STAB1: variants seen among roughly 807,000 people sequenced by gnomAD.
STAB1 encodes the protein stabilin-1.
Under a neutral mutation model 332.4 loss-of-function variants are expected in STAB1, and 250 were observed. The observed-to-expected ratio is 0.75, with a 90% CI of 0.68 to 0.84. STAB1 has a LOEUF of 0.84. Among genes scored for constraint, STAB1 ranks in the 40% least tolerant of loss-of-function variants. STAB1 has a pLI of 0.00. For missense variants in STAB1, 3,249 were observed against 3,489.7 expected (o/e 0.93, Z 1.74); for synonymous variants, 1,475 against 1,390.4 (o/e 1.06, Z -1.35).
chr3:52,501,124 G>T (rs773240283), intron 1 of STAB1, 42 bp from the exon 2 acceptor site: 1 of 1,599,200 alleles, frequency 6.3e-7, no homozygotes, highest in Non-Finnish European at 8.6e-7. Flanking sequence ...AGGACTGGGC[G>T]TGGGGTCCAG....
chr3:52,509,934 C>G lies in STAB1; in HGVS notation c.2412C>G (p.Gly804=). 2 of 1,613,002 alleles carry G rather than the reference C, an allele frequency of 1.2e-6. No individual in the cohort carries two copies. The highest frequency in any genetic ancestry group is 1.7e-6 in the Non-Finnish European group (2 of 1,180,006). ...RPGSGGVCQQ[G]TCAPGFSGRF... The stretch of plus-strand genomic sequence containing the variant: ...GCAGTGGGGGGGTGTGCCAGCAGGG[C>G]ACGTGTGCCCCTGGCTTCAGTGGCC... The change falls in exon 23 of 69, where the codon GGC becomes GGG. Residue 804 remains glycine (G), a synonymous_variant. Transcript: ENST00000321725.
chr3:52,500,620 G>A (rs895540543), intron 1 of STAB1, among the ~76,000 whole-genome samples: 3 of 152,254 alleles, frequency 2.0e-5, no homozygotes, highest in Non-Finnish European at 4.4e-5. Flanking sequence ...CCGGCATCGT[G>A]CCTGTGCCCA....
At position 52,507,620 on chromosome 3, in the gene STAB1, G is replaced by A; in HGVS notation, c.1997G>A (p.Cys666Tyr). 6.2e-7 allele frequency: 1 copy of A among 1,613,600 alleles called. No homozygotes were observed. Among genetic ancestry groups the A allele is most frequent in the Non-Finnish European group, 8.5e-7 (1 of 1,179,972 alleles). ...TGCCCCTGCCCTGCCCAGGGCTCCT[G>A]TGTGGACTGCCAAGCCCTGAACACC... ...EEQHKIVAGS[C>Y]VDCQALNTST... Residue 666 changes from cysteine to tyrosine, a missense_variant, in exon 19 of 69, where the codon TGT becomes TAT. Physicochemically the swap from Cys to Tyr is radical, Grantham distance 194. Transcript: ENST00000321725.
At position 52,522,850 on chromosome 3, in the gene STAB1, G is replaced by A. The variant is rs747632005; in HGVS notation, c.6820G>A (p.Asp2274Asn). The A allele has an allele frequency of 6.2e-7, 1 of 1,613,322 alleles. No individual in the cohort carries two copies. Among genetic ancestry groups the A allele is most frequent in the South Asian group, 1.1e-5 (1 of 91,080 alleles). ...CCACCCTGTGGTTTTCCCTGTGGCG[G>A]ACTGTGGCAATGGTCGGGTGGGCAT... The part of the protein sequence containing the change: ...TAHPVVFPVA[D>N]CGNGRVGIVS... Residue 2274 changes from aspartate to asparagine, a missense_variant, in exon 62 of 69, where the codon GAC becomes AAC. Transcript: ENST00000321725.
At position 52,520,257 on chromosome 3, in the gene STAB1, C is replaced by T. The variant is rs766345080; in HGVS notation, c.5466C>T (p.Thr1822=). ...GCCCACTTCGAACCATGCATGGGACCCCCATCTCTTTCTCCTGCAGCCGAA... is the reference window on the plus strand; with the variant it reads ...GCCCACTTCGAACCATGCATGGGACTCCCATCTCTTTCTCCTGCAGCCGAA... ...NLGPLRTMHG[T]PISFSCSRTR... is the part of the protein sequence containing the mutation. Residue 1822 remains threonine (T), a synonymous_variant, in exon 52 of 69, where the codon ACC becomes ACT. Transcript: ENST00000321725. 6.2e-7 allele frequency: 1 copy of T among 1,613,160 alleles called. No homozygotes were observed. The highest frequency in any genetic ancestry group is 1.1e-5 in the South Asian group (1 of 91,086).
Position 52,503,404 on chromosome 3 carries a change from AG to A in STAB1, c.759del (p.Gln254ArgfsTer81), listed in dbSNP as rs777739407. ...SLLAQCSVSP[K>X]GQAQCHCPEN... ...CTGGCCCAGTGCTCGGTGAGCCCCA[AG>A]GGGCAGGCTCAGTGTCACTGCCCTG... On this transcript the variant is annotated frameshift_variant, in exon 8 of 69. Coordinates refer to ENST00000321725, the MANE Select transcript of STAB1 (RefSeq NM_015136.3). LOFTEE classifies it high-confidence loss of function. 4 of 1,613,622 alleles carry A rather than the reference AG, an allele frequency of 2.5e-6. No homozygotes were observed. Among genetic ancestry groups the A allele is most frequent in the Non-Finnish European group, 3.4e-6 (4 of 1,180,018 alleles).
At chr3:52,510,536 C>T in intron 25 of STAB1, 29 bp downstream of exon 25, 1 of 1,601,752 alleles carries the variant, frequency 6.2e-7, no homozygotes, top group Middle Eastern at 1.7e-4. Flanking sequence ...GGGGTGGGGG[C>T]CTTGGTTCTG....
At position 52,521,904 on chromosome 3, in the gene STAB1, G is replaced by A. The variant is rs1175312218; in HGVS notation, c.6224G>A (p.Ser2075Asn). The A allele has an allele frequency of 6.2e-7, 1 of 1,609,350 alleles. No homozygotes were observed. The highest frequency in any genetic ancestry group is 8.5e-7 in the Non-Finnish European group (1 of 1,177,128). Residue 2075 changes from serine to asparagine, a missense_variant, in exon 58 of 69, where the codon AGC becomes AAC. Transcript: ENST00000321725. Reference sequence around the variant, plus strand: ...GAGGCTGTGTGCCGTGCAGGCAACAGCTGTGAGTGCAGCCTGGGCTATGAA... The same window carrying A: ...GAGGCTGTGTGCCGTGCAGGCAACAACTGTGAGTGCAGCCTGGGCTATGAA... ...APEAVCRAGN[S>N]CECSLGYEGD...
rs1054645888 is a variant in STAB1, at chr3:52,523,918, G to A, written c.7443G>A (p.Gly2481=). Residue 2481 remains glycine (G), a synonymous_variant, in exon 67 of 69, where the codon GGG becomes GGA. Coordinates refer to ENST00000321725, the MANE Select transcript of STAB1 (RefSeq NM_015136.3). ...CCCCACCTGTGGCGGCAGGCGTGGG[G>A]GCTGTGCTTGCCGCTGGAGCACTGC... ...PEAPPVAAGV[G]AVLAAGALLG... 1 of 1,609,310 alleles carries A rather than the reference G, an allele frequency of 6.2e-7. No homozygotes were observed. Among genetic ancestry groups the A allele is most frequent in the East Asian group, 2.2e-5 (1 of 44,880 alleles).
rs144412742 is a variant in STAB1 at position 52,508,851 on chromosome 3, A to AG, written c.2236-359_2236-358insG. Among the ~76,000 whole-genome samples, 783 of 81,828 alleles carry AG rather than the reference A, an allele frequency of 9.6e-3. 9 individuals are homozygous for AG. Among genetic ancestry groups the AG allele is most frequent in the African/African-American group, 0.028 (652 of 23,554 alleles). 53.7% of individuals were successfully genotyped at this position (81,828 alleles called of 152,430 possible). Reference sequence around the variant, plus strand: ...TAACAATAATAATAATAATAATAATAATAGATAGATAGATAGATTTTTTGG... The same window carrying AG: ...TAACAATAATAATAATAATAATAATAGATAGATAGATAGATAGATTTTTTGG... On this transcript the variant is annotated intron_variant, in intron 21 of 68. Transcript: ENST00000321725.
chr3:52,523,309 G>A lies in STAB1; in HGVS notation c.7108G>A (p.Val2370Ile), dbSNP rs765837092. The stretch of plus-strand genomic sequence containing the variant: ...TGAGCTCACGTATAAGACACTCTTC[G>A]TCCCTGTCAATGAAGGCTTTGTGGA... ...DDELTYKTLF[V>I]PVNEGFVDNM... Residue 2370 changes from valine (V) to isoleucine (I), a missense_variant, in exon 64 of 69, where the codon GTC becomes ATC. Physicochemically the swap from Val to Ile is conservative, Grantham distance 29. Coordinates refer to ENST00000321725, the MANE Select transcript of STAB1 (RefSeq NM_015136.3). The A allele has an allele frequency of 1.3e-5, 21 of 1,611,822 alleles. No individual in the cohort carries two copies. Among genetic ancestry groups the A allele is most frequent in the Middle Eastern group, 1.6e-4 (1 of 6,062 alleles).
At chr3:52,500,961 G>A (rs1028137521) in intron 1 of STAB1, among the ~76,000 whole-genome samples, 19 of 152,232 alleles carry the variant, frequency 1.2e-4, no homozygotes, top group Admixed American at 1.2e-3. Flanking sequence ...TTCCCCATCT[G>A]CACTGCATTC....
intron 1 of STAB1, among the ~76,000 whole-genome samples, chr3:52,497,571 C>T (rs1176535072): frequency 2.0e-5 from 3 of 152,028 alleles, no homozygotes; most frequent in African/African-American, 7.3e-5. Flanking sequence ...CACCACCACA[C>T]TTGGCTAATT....
intron 1 of STAB1, among the ~76,000 whole-genome samples, chr3:52,496,271 G>A (rs1443835442): frequency 1.3e-5 from 2 of 152,230 alleles, no homozygotes; most frequent in Admixed American, 1.3e-4. Context: ...CAGGCCCCAT[G>A]GTAGGGGCCT....
At position 52,503,543 on chromosome 3, in the gene STAB1, G is replaced by A. The variant is rs1031166909; in HGVS notation, c.891+3G>A. 6.2e-7 allele frequency: 1 copy of A among 1,612,862 alleles called. No individual in the cohort carries two copies. Among genetic ancestry groups the A allele is most frequent in the Non-Finnish European group, 8.5e-7 (1 of 1,179,638 alleles). On this transcript the variant is annotated splice_donor_region_variant and intron_variant, in intron 8 of 68. Coordinates refer to ENST00000321725, the MANE Select transcript of STAB1 (RefSeq NM_015136.3). ...GTGTGTACCAGAAGCCGGGCCAGGT[G>A]AGCCAGGGTCCCAGGCCGGAACTGT...
At chr3:52,506,560 T>G (rs1439891892) in intron 17 of STAB1, 132 bp from the exon 18 acceptor site, 9 of 1,023,034 alleles carry the variant, frequency 8.8e-6, no homozygotes, top group Non-Finnish European at 1.2e-5. Flanking sequence ...GTGGCTGGTA[T>G]GGCCAGCGGG....
At chr3:52,503,633 C>T in intron 8 of STAB1, 93 bp downstream of exon 8, 1 of 1,562,374 alleles carries the variant, frequency 6.4e-7, no homozygotes. Context: ...CTGGTAGCCT[C>T]AGTTTCCCCA....
chr3:52,514,029 G>GC, intron 32 of STAB1, 48 bp downstream of exon 32: 1 of 1,591,990 alleles, frequency 6.3e-7, no homozygotes, highest in Non-Finnish European at 8.6e-7. Context: ...GGGACACTGT[G>GC]CCCCAGGTCC....
At chr3:52,516,920 C>T in intron 41 of STAB1, 64 bp from the exon 42 acceptor site, 1 of 1,605,098 alleles carries the variant, frequency 6.2e-7, no homozygotes, top group African/African-American at 1.3e-5. Context: ...CTCACGCCCT[C>T]CTCTCCTGTC....
Sources: gnomAD v4.1 joint callset for allele counts (sites outside exome capture counted in the v4.1 genomes callset) on GRCh38, gnomAD v4.1.1 for gene constraint, MANE v1.5 for transcripts, NCBI Gene and HGNC (gene_info 2026-07-23, HGNC 2026-07-21) for gene names.